MLLT10: variants seen among roughly 807,000 people sequenced by gnomAD.
MLLT10 encodes protein AF-10.
In MLLT10, 30 loss-of-function variants were observed where a neutral mutation model predicts 129.1. The ratio of observed to expected loss-of-function variants is 0.23; its 90% CI spans 0.17 to 0.32. The LOEUF (loss-of-function observed/expected upper bound fraction) is 0.32. MLLT10 is among the 10% of genes least tolerant of loss of function. The pLI, the probability that MLLT10 is intolerant of heterozygous loss-of-function variation, is 1.00. For synonymous variants in MLLT10, 490 were observed against 446.4 expected (o/e 1.10, Z -1.23); for missense variants, 1,119 against 1,268.3 (o/e 0.88, Z 1.79).
At chr10:21,601,023 A>G (rs962283666) in intron 5 of MLLT10, among the ~76,000 whole-genome samples, 3 of 152,020 alleles carry the variant, frequency 2.0e-5, no homozygotes, top group African/African-American at 7.2e-5. Flanking sequence ...AGCTCACTGT[A>G]GCTTCTACTT....
chr10:21,727,141 T>C (rs933768055), intron 15 of MLLT10, among the ~76,000 whole-genome samples: 2 of 151,918 alleles, frequency 1.3e-5, no homozygotes, highest in Admixed American at 1.3e-4. Flanking sequence ...GGGTCAGAGG[T>C]TACCTGACTC....
intron 13 of MLLT10, among the ~76,000 whole-genome samples, chr10:21,699,526 G>A (rs904486046): frequency 6.6e-5 from 10 of 152,044 alleles, no homozygotes; most frequent in Admixed American, 5.2e-4. Context: ...GTTTAAGTCT[G>A]TAATCCATCT....
intron 3 of MLLT10, among the ~76,000 whole-genome samples, chr10:21,567,477 C>G (rs2039717106): frequency 6.6e-6 from 1 of 152,136 alleles, no homozygotes; most frequent in African/African-American, 2.4e-5. Flanking sequence ...GGAGGGATGC[C>G]TTATTACTGG....
In MLLT10 at chr10:21,665,686, A is replaced by G. The variant is rs1307541972; in HGVS notation, c.796-4763A>G. Among the ~76,000 whole-genome samples the G allele has an allele frequency of 3.3e-5, 5 of 152,118 alleles. No homozygotes were observed. The South Asian group carries it at 1.0e-3, about 32-fold the overall frequency. On this transcript the variant is annotated intron_variant, in intron 9 of 22. Coordinates refer to ENST00000307729, the MANE Select transcript of MLLT10 (RefSeq NM_001195626.3). ...TAATTGGGGTGTTTAGAGAATTTAC[A>G]GATAATATGATTCTCTGAGTGGTTG...
intron 8 of MLLT10, among the ~76,000 whole-genome samples, chr10:21,629,051 G>A (rs1475469594): frequency 6.6e-6 from 1 of 151,692 alleles, no homozygotes; most frequent in Non-Finnish European, 1.5e-5. Context: ...GCCGCTGGAG[G>A]ATATTCTCTA....
chr10:21,545,921 C>T (rs2035998208), intron 3 of MLLT10, among the ~76,000 whole-genome samples: 1 of 152,084 alleles, frequency 6.6e-6, no homozygotes, highest in Admixed American at 6.6e-5. Flanking sequence ...CCCGTGTTGT[C>T]CTCCTAAAGT....
intron 13 of MLLT10, among the ~76,000 whole-genome samples, chr10:21,689,124 G>A (rs571048096): frequency 6.6e-6 from 1 of 152,074 alleles, no homozygotes; most frequent in East Asian, 1.9e-4. Context: ...TCCTTCTTGA[G>A]ACTGTCTTAG....
At chr10:21,661,022 A>G (rs996526245) in intron 9 of MLLT10, among the ~76,000 whole-genome samples, 29 of 152,018 alleles carry the variant, frequency 1.9e-4, no homozygotes, top group Admixed American at 1.7e-3. Context: ...ATATTTTAAA[A>G]TTTCTCTTTA....
At chr10:21,541,743 A>G (rs1027361639) in intron 3 of MLLT10, among the ~76,000 whole-genome samples, 11 of 152,116 alleles carry the variant, frequency 7.2e-5, no homozygotes, top group Admixed American at 3.3e-4. Context: ...GGAATTCCTG[A>G]GCTCAAGCAG....
intron 21 of MLLT10, among the ~76,000 whole-genome samples, chr10:21,739,238 C>T (rs779452134): frequency 1.3e-5 from 2 of 152,158 alleles, no homozygotes; most frequent in Admixed American, 6.5e-5. Context: ...CCTCCTGGCT[C>T]CCTCCACCCT....
intron 3 of MLLT10, among the ~76,000 whole-genome samples, chr10:21,578,904 G>A (rs942835575): frequency 5.9e-5 from 9 of 152,166 alleles, no homozygotes; most frequent in African/African-American, 1.9e-4. Context: ...ATCATGTAAT[G>A]TTAAGAACTT....
chr10:21,702,168 G>T (rs374009249), intron 13 of MLLT10, among the ~76,000 whole-genome samples: 1 of 146,618 alleles, frequency 6.8e-6, no homozygotes, highest in Admixed American at 6.8e-5. Context: ...CTTGTGATCC[G>T]CCCACCTCAG....
chr10:21,638,517 T>C (rs2047676493), intron 8 of MLLT10, among the ~76,000 whole-genome samples: 1 of 152,114 alleles, frequency 6.6e-6, no homozygotes, highest in Non-Finnish European at 1.5e-5. Context: ...GATAGTGATC[T>C]GGGTGCCTGT....
intron 8 of MLLT10, among the ~76,000 whole-genome samples, chr10:21,632,651 TTG>T (rs2047110382): frequency 6.6e-6 from 1 of 152,168 alleles, no homozygotes; most frequent in African/African-American, 2.4e-5. Context: ...AGTTTTGTAT[TTG>T]GGGGCATAAC....
intron 6 of MLLT10, among the ~76,000 whole-genome samples, chr10:21,613,879 C>G (rs1020813729): frequency 6.6e-6 from 1 of 151,552 alleles, no homozygotes; most frequent in Non-Finnish European, 1.5e-5. Context: ...GTACTCTGGC[C>G]TGGGTGACAG....
At chr10:21,717,737 T>TCCTCCTCCTCCTCCTCCTCCTCC in intron 14 of MLLT10, among the ~76,000 whole-genome samples, 1 of 19,036 alleles carries the variant, frequency 5.3e-5, no homozygotes, top group Non-Finnish European at 9.8e-5. Context: ...CCTCCTCCTC[T>TCCTCCTCCTCCTCCTCCTCCTCC]TCCTCCTCCT....
intron 16 of MLLT10, 57 bp from the exon 17 acceptor site, chr10:21,730,843 A>G (rs2057911147): frequency 1.2e-6 from 2 of 1,601,200 alleles, no homozygotes; most frequent in Non-Finnish European, 1.7e-6. Flanking sequence ...AAGGTAAGAA[A>G]CTGTACTCTC....
intron 16 of MLLT10, among the ~76,000 whole-genome samples, chr10:21,729,723 G>C (rs2057798863): frequency 6.6e-6 from 1 of 152,160 alleles, no homozygotes; most frequent in African/African-American, 2.4e-5. Flanking sequence ...ACCAGGTTTT[G>C]ACTTCTCACT....
intron 14 of MLLT10, among the ~76,000 whole-genome samples, chr10:21,717,128 C>G (rs570566529): frequency 6.6e-6 from 1 of 151,500 alleles, no homozygotes; most frequent in Non-Finnish European, 1.5e-5. Context: ...TGGTGCATGC[C>G]TGTAATCCCA....
Sources: allele counts gnomAD v4.1 joint callset (sites outside exome capture counted in the v4.1 genomes callset), GRCh38; gene constraint gnomAD v4.1.1; transcripts MANE v1.5; gene names NCBI Gene and HGNC (gene_info 2026-07-23, HGNC 2026-07-21).